Variants in LINGO2 observed in about 807,000 individuals in gnomAD.
The protein encoded by LINGO2 is leucine rich repeat and Ig domain containing 2, also known as leucine-rich repeat and immunoglobulin-like domain-containing nogo receptor-interacting protein 2.
A neutral mutation model predicts 30.6 loss-of-function variants in LINGO2; 14 were observed. The ratio of observed to expected loss-of-function variants is 0.46; its 90% confidence interval spans 0.30 to 0.72. The LOEUF is 0.72. LINGO2 is among the 30% of genes least tolerant of loss of function. The pLI, the probability that LINGO2 is intolerant of heterozygous loss-of-function variation, is 0.07. For missense variants in LINGO2, 729 were observed against 751.7 expected (o/e 0.97, Z 0.35); for synonymous variants, 317 against 288.5 (o/e 1.10, Z -1.00).
intron 4 of LINGO2, among the ~76,000 whole-genome samples, chr9:28,233,061 T>TATATATATATATATATATA (rs60875467): frequency 1.7e-5 from 2 of 118,810 alleles, no homozygotes; most frequent in Admixed American, 8.4e-5. Flanking sequence ...TATATATATA[T>TATATATATATATATATATA]TAGATATATA....
At chr9:28,171,018 A>C (rs1828566651) in intron 4 of LINGO2, among the ~76,000 whole-genome samples, 1 of 152,210 alleles carries the variant, frequency 6.6e-6, no homozygotes. Context: ...CATCATCCCC[A>C]ACCCAAAACC....
At position 28,631,551 on chromosome 9, in the gene LINGO2, T is replaced by C. The variant is rs1015506931; in HGVS notation, c.-365+38649A>G. Among the ~76,000 whole-genome samples, 3 of 152,240 alleles carry C rather than the reference T, an allele frequency of 2.0e-5. 1 individual carries two copies. The highest frequency in any genetic ancestry group is 6.6e-5 in the Admixed American group (1 of 15,264). ...TTGTCAGGTTTGTCAAAGATGGTTG[T>C]AGATGTGTGGTATTAGAGAAACCTA... On this transcript the variant is annotated intron_variant, in intron 1 of 5. Coordinates refer to ENST00000379992, the Ensembl canonical transcript of LINGO2.
intron 4 of LINGO2, among the ~76,000 whole-genome samples, chr9:28,108,404 T>A (rs1235787498): frequency 6.6e-6 from 1 of 152,176 alleles, no homozygotes; most frequent in Non-Finnish European, 1.5e-5. Context: ...GATGCTCTGG[T>A]ACTCTTCCAT....
At chr9:28,903,936 T>C in the LINGO2 span, among the ~76,000 whole-genome samples, 2 of 151,976 alleles carry the variant, frequency 1.3e-5, no homozygotes, top group Non-Finnish European at 2.9e-5. Context: ...GAGATTCCAA[T>C]GAACATAGAT....
intron 4 of LINGO2, among the ~76,000 whole-genome samples, chr9:28,023,977 TC>T (rs1221682593): frequency 3.3e-5 from 5 of 152,180 alleles, no homozygotes; most frequent in Non-Finnish European, 5.9e-5. Flanking sequence ...CATTTTTGCG[TC>T]TCTGGATTCA....
chr9:28,993,261 T>A, the LINGO2 span, among the ~76,000 whole-genome samples: 1 of 151,662 alleles, frequency 6.6e-6, no homozygotes, highest in African/African-American at 2.4e-5. Context: ...AACTAGAAAA[T>A]CTAGAAGAAA....
At chr9:28,676,241 A>C in the LINGO2 span, among the ~76,000 whole-genome samples, 1 of 151,990 alleles carries the variant, frequency 6.6e-6, no homozygotes, top group Non-Finnish European at 1.5e-5. Flanking sequence ...TATGATGCCA[A>C]ATTTTAAGAC....
At chr9:28,827,574 A>C in the LINGO2 span, among the ~76,000 whole-genome samples, 1 of 152,178 alleles carries the variant, frequency 6.6e-6, no homozygotes, top group African/African-American at 2.4e-5. Context: ...CAAATGATAC[A>C]TATTAGTACT....
At chr9:29,156,865 G>A in the LINGO2 span, among the ~76,000 whole-genome samples, 1 of 151,964 alleles carries the variant, frequency 6.6e-6, no homozygotes, top group Non-Finnish European at 1.5e-5. Flanking sequence ...ATCACTTAAT[G>A]TACCTTAGAT....
At chr9:28,872,766 T>G in the LINGO2 span, among the ~76,000 whole-genome samples, 1 of 152,174 alleles carries the variant, frequency 6.6e-6, no homozygotes, top group Admixed American at 6.6e-5. Flanking sequence ...GTTCTGCACC[T>G]ACAATCTTGC....
the LINGO2 span, among the ~76,000 whole-genome samples, chr9:28,764,364 A>G: frequency 6.6e-6 from 1 of 152,000 alleles, no homozygotes; most frequent in Non-Finnish European, 1.5e-5. Flanking sequence ...TATGCAAATC[A>G]ATGTGATATA....
chr9:28,193,492 ACAT>A (rs1819894965), intron 4 of LINGO2, among the ~76,000 whole-genome samples: 1 of 152,192 alleles, frequency 6.6e-6, no homozygotes, highest in South Asian at 2.1e-4. Context: ...TATCCTAACT[ACAT>A]CAAGACTCAT....
chr9:28,316,327 G>A (rs918096251), intron 3 of LINGO2, among the ~76,000 whole-genome samples: 10 of 151,874 alleles, frequency 6.6e-5, no homozygotes, highest in Admixed American at 2.0e-4. Context: ...ATAAAAAAAC[G>A]GATGAAGACA....
chr9:28,996,144 G>A, the LINGO2 span, among the ~76,000 whole-genome samples: 1 of 149,364 alleles, frequency 6.7e-6, no homozygotes, highest in Non-Finnish European at 1.5e-5. Flanking sequence ...GGACTGTGAA[G>A]TAAGGCCTCC....
chr9:28,904,277 T>C, the LINGO2 span, among the ~76,000 whole-genome samples: 1 of 151,892 alleles, frequency 6.6e-6, no homozygotes, highest in South Asian at 2.1e-4. Context: ...TGTTGAAAAG[T>C]TGAAAGCTTT....
intron 4 of LINGO2, among the ~76,000 whole-genome samples, chr9:28,179,539 G>T (rs1587151166): frequency 7.6e-6 from 1 of 131,332 alleles, no homozygotes; most frequent in South Asian, 2.2e-4. Flanking sequence ...ACTATATATA[G>T]TTTTTTACTA....
chr9:28,436,520 C>T (rs1587671853), intron 2 of LINGO2, among the ~76,000 whole-genome samples: 1 of 151,822 alleles, frequency 6.6e-6, no homozygotes, highest in Admixed American at 6.6e-5. Flanking sequence ...TGCAGTGGCG[C>T]AGTCTCGGCT....
At chr9:28,134,385 G>GAAAC (rs1040051520) in intron 4 of LINGO2, among the ~76,000 whole-genome samples, 2 of 152,224 alleles carry the variant, frequency 1.3e-5, no homozygotes, top group South Asian at 4.1e-4. Flanking sequence ...GGAAAACAAA[G>GAAAC]AAACAAACAA....
At chr9:28,167,632 C>G (rs1234307228) in intron 4 of LINGO2, among the ~76,000 whole-genome samples, 1 of 152,166 alleles carries the variant, frequency 6.6e-6, no homozygotes, top group East Asian at 1.9e-4. Flanking sequence ...AGTAGTATGC[C>G]CCCTTTGGCC....
Sources: allele counts gnomAD v4.1 joint callset (sites outside exome capture counted in the v4.1 genomes callset), GRCh38; gene constraint gnomAD v4.1.1; transcripts MANE v1.5; gene names NCBI Gene and HGNC (gene_info 2026-07-23, HGNC 2026-07-21).